Variants in HIVEP1 observed in about 807,000 individuals in gnomAD.
The protein encoded by HIVEP1 is HIVEP zinc finger 1, also known as zinc finger protein 40.
A neutral mutation model predicts 180.0 loss-of-function variants in HIVEP1; 36 were observed. The observed-to-expected ratio is 0.20, with a 90% CI of 0.15 to 0.26. The LOEUF (loss-of-function observed/expected upper bound fraction) is 0.26. Ranked by LOEUF, HIVEP1 falls within the 10% of genes least tolerant of loss-of-function variation. The probability of loss-of-function intolerance (pLI) is 1.00; values close to 1 mark genes in which losing one functional copy is unlikely to be tolerated. For missense variants in HIVEP1, 3,143 were observed against 3,268.7 expected (o/e 0.96, Z 0.94); for synonymous variants, 1,239 against 1,239.0 (o/e 1.00, Z 0.00).
intron 7 of HIVEP1, 77 bp from the exon 8 acceptor site, chr6:12,161,362 C>G (rs1000603044): frequency 6.5e-6 from 9 of 1,381,748 alleles, no homozygotes; most frequent in Non-Finnish European, 8.9e-6. Flanking sequence ...AGTTGCCAAA[C>G]GTATAAAAAA....
the HIVEP1 span, among the ~76,000 whole-genome samples, chr6:12,208,205 C>T: frequency 6.6e-6 from 1 of 152,128 alleles, no homozygotes; most frequent in Non-Finnish European, 1.5e-5. Context: ...ATTAACTTAG[C>T]TACATGCCTT....
rs1774217845 is a variant in HIVEP1, at chr6:12,103,266, C to T, written c.94+14029C>T. On this transcript the variant is annotated intron_variant, in intron 3 of 8. Transcript: ENST00000379388. Reference sequence around the variant, plus strand: ...TAAAATTGAAGTTCTGGGCACAATGCCAAGCTGTCTACATGCATTATCTCA... The same window carrying T: ...TAAAATTGAAGTTCTGGGCACAATGTCAAGCTGTCTACATGCATTATCTCA... Among the ~76,000 whole-genome samples the T allele has an allele frequency of 2.6e-5, 4 of 151,854 alleles. No individual in the cohort carries two copies. In the South Asian group the frequency reaches 6.2e-4, roughly 24 times the overall value.
Position 12,120,571 on chromosome 6 carries a change from G to C in HIVEP1, c.776G>C (p.Cys259Ser), listed in dbSNP as rs893904193. The change falls in exon 4 of 9, where the codon TGT (cysteine) becomes TCT (serine). Residue 259 changes from cysteine to serine, a missense_variant. By Grantham distance (112) the Cys-to-Ser change is moderately radical (BLOSUM62 -1). Coordinates refer to ENST00000379388, the MANE Select transcript of HIVEP1 (RefSeq NM_002114.4). ...QELVAESQSS[C>S]TSYTVHMSAA... The stretch of plus-strand genomic sequence containing the variant: ...TTGGTTGCTGAATCACAGTCTTCTT[G>C]TACCTCATACACAGTCCATATGTCT... The C allele has an allele frequency of 2.5e-6, 4 of 1,614,150 alleles. No homozygotes were observed. The African/African-American group carries it at 4.0e-5, about 16-fold the overall frequency.
At chr6:12,015,370 C>A (rs948662331) in intron 1 of HIVEP1, among the ~76,000 whole-genome samples, 156 bp from the exon 2 acceptor site, 3 of 152,156 alleles carry the variant, frequency 2.0e-5, no homozygotes, top group Admixed American at 6.5e-5. Flanking sequence ...ACAAAATGAC[C>A]TCTGTTTAAT....
At chr6:12,138,536 G>C (rs992499047) in intron 7 of HIVEP1, among the ~76,000 whole-genome samples, 1 of 152,184 alleles carries the variant, frequency 6.6e-6, no homozygotes, top group Non-Finnish European at 1.5e-5. Context: ...GGTACCAGCT[G>C]TTCCTTTTCA....
chr6:12,100,037 T>A lies in HIVEP1; in HGVS notation c.94+10800T>A, dbSNP rs982406502. On this transcript the variant is annotated intron_variant, in intron 3 of 8. Coordinates refer to ENST00000379388, the MANE Select transcript of HIVEP1 (RefSeq NM_002114.4). ...AGACTCAGACTACTCTCAGTGTAGT[T>A]ATTTTGTGATATCATAACATCTTTG... Among the ~76,000 whole-genome samples the A allele has an allele frequency of 2.4e-4, 37 of 152,212 alleles. 1 individual carries two copies. Among genetic ancestry groups the A allele is most frequent in the Admixed American group, 3.9e-4 (6 of 15,284 alleles).
intron 2 of HIVEP1, among the ~76,000 whole-genome samples, chr6:12,018,183 C>A (rs923262348): frequency 6.6e-6 from 1 of 152,226 alleles, no homozygotes; most frequent in Non-Finnish European, 1.5e-5. Flanking sequence ...CCTCACTGCC[C>A]GGGGCCTGCC....
intron 1 of HIVEP1, 29 bp from the exon 2 acceptor site, chr6:12,015,497 A>C (rs548941552): frequency 1.4e-6 from 1 of 730,428 alleles, no homozygotes; most frequent in African/African-American, 1.8e-5. Context: ...AGGTAGTAAA[A>C]TGTGCTTCTC....
At chr6:12,167,661 TA>T (rs370319543), downstream of HIVEP1, among the ~76,000 whole-genome samples, 17 of 90,576 alleles carry the variant, frequency 1.9e-4, no homozygotes, top group East Asian at 1.7e-3. Flanking sequence ...ATATGTTATA[TA>T]TACATATATA....
the HIVEP1 span, among the ~76,000 whole-genome samples, chr6:12,203,476 T>C: frequency 8.5e-5 from 13 of 152,210 alleles, no homozygotes; most frequent in Admixed American, 7.9e-4. Flanking sequence ...CAAGCCAAAA[T>C]GCATTTCCTA....
intron 3 of HIVEP1, among the ~76,000 whole-genome samples, chr6:12,110,012 A>G (rs780210420): frequency 1.3e-5 from 2 of 152,228 alleles, no homozygotes; most frequent in Non-Finnish European, 2.9e-5. Flanking sequence ...TCTCCATCAG[A>G]GCTCTTGAAT....
chr6:12,168,078 TATATACATATATACAC>T (rs1760784146), downstream of HIVEP1, among the ~76,000 whole-genome samples: 1 of 59,964 alleles, frequency 1.7e-5, no homozygotes, highest in African/African-American at 6.5e-5. Flanking sequence ...TATATGTGTA[TATATACATATATACAC>T]ATACACGTAT....
intron 7 of HIVEP1, among the ~76,000 whole-genome samples, chr6:12,140,674 A>C (rs1339297372): frequency 4.6e-5 from 7 of 152,222 alleles, no homozygotes; most frequent in Non-Finnish European, 8.8e-5. Flanking sequence ...AGAAGACCTT[A>C]AATGACCTGA....
At chr6:12,135,286 A>G (rs1006692132) in intron 6 of HIVEP1, among the ~76,000 whole-genome samples, 2 of 152,238 alleles carry the variant, frequency 1.3e-5, no homozygotes, top group Non-Finnish European at 2.9e-5. Context: ...TCCCAGGCAG[A>G]AGCAATTGGA....
At chr6:12,034,566 G>C (rs1769158399) in intron 2 of HIVEP1, among the ~76,000 whole-genome samples, 1 of 152,196 alleles carries the variant, frequency 6.6e-6, no homozygotes, top group Non-Finnish European at 1.5e-5. Flanking sequence ...GCTGCAAAGT[G>C]ATAAGGGCTA....
chr6:12,105,285 C>T (rs926393808), intron 3 of HIVEP1, among the ~76,000 whole-genome samples: 10 of 152,144 alleles, frequency 6.6e-5, no homozygotes, highest in Non-Finnish European at 8.8e-5. Flanking sequence ...GGTTTTAATG[C>T]GGACTCCATG....
chr6:12,183,908 A>G, the HIVEP1 span, among the ~76,000 whole-genome samples: 20 of 152,316 alleles, frequency 1.3e-4, no homozygotes, highest in Non-Finnish European at 2.9e-4. Context: ...AGAATTTCAG[A>G]TAATTAAACT....
rs139342864 is a variant in HIVEP1, at chr6:12,124,547, A to G, written c.4752A>G (p.Gln1584=). ...SSNPVHSLPN[Q]VISDPVGTDH... is the part of the protein sequence containing the mutation. ...ATCCTGTGCATTCTTTGCCAAATCA[A>G]GTTATTTCAGATCCAGTTGGAACAG... Residue 1584 remains glutamine, a synonymous_variant, in exon 4 of 9, where the codon CAA becomes CAG. Coordinates refer to ENST00000379388, the MANE Select transcript of HIVEP1 (RefSeq NM_002114.4). The G allele has an allele frequency of 9.4e-5, 152 of 1,614,098 alleles. No homozygotes were observed. In the African/African-American group the frequency reaches 1.7e-3, roughly 18 times the overall value.
At chr6:12,167,960 GTATATATTATATATACA>G (rs774490597), downstream of HIVEP1, among the ~76,000 whole-genome samples, 3,665 of 87,070 alleles carry the variant, frequency 0.042, 196 homozygotes, top group Middle Eastern at 0.06. Flanking sequence ...ATGTATATAT[GTATATATTATATATACA>G]TGTACATGTA....
Sources: allele counts gnomAD v4.1 joint callset (sites outside exome capture counted in the v4.1 genomes callset), GRCh38; gene constraint gnomAD v4.1.1; transcripts MANE v1.5; gene names NCBI Gene and HGNC (gene_info 2026-07-23, HGNC 2026-07-21).